The following MINPP1 variants were observed in gnomAD, a reference collection of about 807,000 sequenced individuals.
MINPP1 encodes the protein multiple inositol polyphosphate phosphatase 1.
MINPP1 carries 28 observed loss-of-function variants against 46.1 expected under a neutral mutation model. That is an observed-to-expected ratio of 0.61 (90% CI 0.45 to 0.83). The LOEUF (loss-of-function observed/expected upper bound fraction) is 0.83. MINPP1 is among the 40% of genes least tolerant of loss of function. The pLI is 0.00. For missense variants in MINPP1, 603 were observed against 610.0 expected, an observed-to-expected ratio of 0.99 and a Z score of 0.12; for synonymous variants, 268 against 249.1, an observed-to-expected ratio of 1.08 and a Z score of -0.72.
At position 87,543,235 on chromosome 10, in the gene MINPP1, T is replaced by A. The variant is rs574194892; in HGVS notation, c.1068-8847T>A. On this transcript the variant is annotated intron_variant, in intron 4 of 4. Coordinates refer to ENST00000371996, the MANE Select transcript of MINPP1 (RefSeq NM_004897.5). ...CAAAGAAATGACTTAAAGTTAGAAC[T>A]TATATACAAAAGGGAAGCAGAGTGT... Among the ~76,000 whole-genome samples, 77 of 152,296 alleles carry A rather than the reference T, an allele frequency of 5.1e-4. 1 individual carries two copies. The highest frequency in any genetic ancestry group is 2.7e-3 in the Admixed American group (41 of 15,290).
Position 87,543,812 on chromosome 10 carries a change from C to A in MINPP1, c.1068-8270C>A, listed in dbSNP as rs1273338472. ...TGTGAACTGAGAAGTCACTCATCAC[C>A]AAGGGGATGGCACTAAGCCATTCAA... On this transcript the variant is annotated intron_variant, in intron 4 of 4. Coordinates refer to ENST00000371996, the MANE Select transcript of MINPP1 (RefSeq NM_004897.5). 2.6e-5 allele frequency among the ~76,000 whole-genome samples: 4 copies of A among 152,220 alleles called. No individual in the cohort carries two copies. The East Asian group carries it at 5.8e-4, about 22-fold the overall frequency.
chr10:87,552,410 C>A lies in MINPP1; in HGVS notation c.1396C>A (p.Leu466Ile), dbSNP rs1851978249. The A allele has an allele frequency of 6.2e-7, 1 of 1,613,364 alleles. No individual in the cohort carries two copies. Reference protein sequence around the residue: ...EDLKNHYKDILQSCQTSEECE... With the variant: ...EDLKNHYKDIIQSCQTSEECE... Reference sequence around the variant, plus strand: ...TCTGAAGAACCACTACAAGGACATCCTTCAGAGTTGTCAAACCAGTGAAGA... The same window carrying A: ...TCTGAAGAACCACTACAAGGACATCATTCAGAGTTGTCAAACCAGTGAAGA... Residue 466 changes from leucine to isoleucine, a missense_variant, in exon 5 of 5, where the codon CTT (leucine) becomes ATT (isoleucine). Around this residue, in one of 3 missense-constraint regions of MINPP1, gnomAD observed 344 missense variants for 381.1 expected, o/e 0.90. Transcript: ENST00000371996.
intron 2 of MINPP1, chr10:87,509,626 C>T: frequency 4.6e-6 from 1 of 216,418 alleles, no homozygotes. Context: ...ATTCTTCTTC[C>T]TTTCTCACCA....
intron 4 of MINPP1, among the ~76,000 whole-genome samples, chr10:87,539,269 A>G (rs1851780129): frequency 1.3e-5 from 2 of 152,234 alleles, no homozygotes; most frequent in Non-Finnish European, 2.9e-5. Flanking sequence ...CAAGCAAAAT[A>G]TGTATCTTTT....
At chr10:87,545,533 A>G (rs545885558) in intron 4 of MINPP1, among the ~76,000 whole-genome samples, 132 of 152,338 alleles carry the variant, frequency 8.7e-4, no homozygotes, top group African/African-American at 3.1e-3. Flanking sequence ...TTTCTTTTTA[A>G]AAAATTTATT....
chr10:87,546,255 C>T (rs933867292), intron 4 of MINPP1, among the ~76,000 whole-genome samples: 1 of 152,016 alleles, frequency 6.6e-6, no homozygotes, highest in Non-Finnish European at 1.5e-5. Flanking sequence ...CTTTTTAGAC[C>T]TTATAGGGTA....
intron 4 of MINPP1, among the ~76,000 whole-genome samples, chr10:87,547,768 T>G (rs1176024102): frequency 6.6e-6 from 1 of 152,208 alleles, no homozygotes; most frequent in East Asian, 1.9e-4. Flanking sequence ...CACTAATTTG[T>G]GTGCTGGGTC....
chr10:87,543,746 G>A (rs1297383647), intron 4 of MINPP1, among the ~76,000 whole-genome samples: 2 of 152,218 alleles, frequency 1.3e-5, no homozygotes, highest in Admixed American at 6.5e-5. Flanking sequence ...AGTTTTATGA[G>A]AGAAGGGGGA....
At chr10:87,513,658 A>G (rs1023687015) in intron 3 of MINPP1, among the ~76,000 whole-genome samples, 3 of 152,250 alleles carry the variant, frequency 2.0e-5, no homozygotes, top group Non-Finnish European at 4.4e-5. Flanking sequence ...TGTGTTTTAC[A>G]GTGAACACTT....
intron 4 of MINPP1, among the ~76,000 whole-genome samples, chr10:87,544,210 G>T (rs745769019): frequency 1.3e-5 from 2 of 152,160 alleles, no homozygotes; most frequent in Non-Finnish European, 2.9e-5. Context: ...GTGGCTCACA[G>T]AGCTCAGGAA....
At chr10:87,539,259 C>T (rs1294428314) in intron 4 of MINPP1, among the ~76,000 whole-genome samples, 1 of 152,130 alleles carries the variant, frequency 6.6e-6, no homozygotes, top group African/African-American at 2.4e-5. Context: ...TTTACATTTT[C>T]AAGCAAAATA....
intron 4 of MINPP1, among the ~76,000 whole-genome samples, chr10:87,549,089 T>A (rs1851927642): frequency 2.0e-5 from 3 of 152,182 alleles, no homozygotes; most frequent in Admixed American, 2.0e-4. Flanking sequence ...TTAAGTATAA[T>A]TTTCCTCAAA....
rs1851221654 is a variant in MINPP1, at chr10:87,505,151, C to T, written c.236C>T (p.Thr79Ile). The T allele has an allele frequency of 1.9e-6, 3 of 1,610,880 alleles. No individual in the cohort carries two copies. In the East Asian group the frequency reaches 6.7e-5, roughly 36 times the overall value. The change falls in exon 1 of 5, where the codon ACC becomes ATC. Residue 79 changes from threonine (T) to isoleucine (I), a missense_variant. Coordinates refer to ENST00000371996, the MANE Select transcript of MINPP1 (RefSeq NM_004897.5). This position sits in a 1 kb window ranked among gnomAD's most constrained non-coding sequence, Gnocchi z 4.4. Reference sequence around the variant, plus strand: ...CCTGAGCTGCTGGAGGGGACCTGCACCCCGGTGCAGCTGGTCGCCCTCATT... The same window carrying T: ...CCTGAGCTGCTGGAGGGGACCTGCATCCCGGTGCAGCTGGTCGCCCTCATT... ...RDPELLEGTC[T>I]PVQLVALIRH...
chr10:87,512,322 T>C (rs573906632), intron 2 of MINPP1, among the ~76,000 whole-genome samples: 5 of 152,296 alleles, frequency 3.3e-5, no homozygotes, highest in Admixed American at 2.0e-4. Context: ...CCGAAATCAT[T>C]TGAGCAGCTA....
At chr10:87,529,379 C>T (rs1215412611) in intron 4 of MINPP1, among the ~76,000 whole-genome samples, 1 of 152,178 alleles carries the variant, frequency 6.6e-6, no homozygotes, top group African/African-American at 2.4e-5. Flanking sequence ...GTGCTTCCTT[C>T]AGGAGCTCTT....
chr10:87,540,807 G>A (rs947187218), intron 4 of MINPP1, among the ~76,000 whole-genome samples: 1 of 152,152 alleles, frequency 6.6e-6, no homozygotes, highest in Non-Finnish European at 1.5e-5. Context: ...GTGACACAGG[G>A]CAAAGAGCAG....
intron 2 of MINPP1, among the ~76,000 whole-genome samples, chr10:87,509,037 A>G (rs746280926): frequency 3.9e-5 from 6 of 152,234 alleles, no homozygotes; most frequent in Non-Finnish European, 7.3e-5. Flanking sequence ...AAGTTATTGC[A>G]GTGGATGGGC....
Position 87,552,590 on chromosome 10 carries a change from C to A in MINPP1, c.*112C>A. ...AAGCTTTTATATTACTTGAGTATTT[C>A]TGTCTTTTCACAGAAAAACATTGGG... is the stretch of plus-strand genomic sequence containing the variant. On this transcript the variant is annotated 3_prime_UTR_variant, in exon 5 of 5. Coordinates refer to ENST00000371996, the MANE Select transcript of MINPP1 (RefSeq NM_004897.5). 9.1e-7 allele frequency: 1 copy of A among 1,104,692 alleles called. No individual in the cohort carries two copies. The highest frequency in any genetic ancestry group is 1.3e-6 in the Non-Finnish European group (1 of 754,132). The allele number at this position is 1,104,692 out of a possible 1,614,324, so 68.4% of individuals were successfully genotyped here.
intron 3 of MINPP1, among the ~76,000 whole-genome samples, chr10:87,519,196 A>G (rs1333151727): frequency 1.3e-5 from 2 of 152,214 alleles, no homozygotes; most frequent in South Asian, 4.1e-4. Flanking sequence ...TACATATCAT[A>G]ATACCACAGG....
Sources: gnomAD v4.1 joint callset for allele counts (sites outside exome capture counted in the v4.1 genomes callset) on GRCh38, gnomAD v4.1.1 for gene constraint, gnomAD v4.1.1 regional missense constraint, Gnocchi (gnomAD v3.1) non-coding constraint, MANE v1.5 for transcripts, NCBI Gene and HGNC (gene_info 2026-07-23, HGNC 2026-07-21) for gene names.